ZNF727: variants seen among roughly 807,000 people sequenced by gnomAD.
ZNF727 encodes the protein putative zinc finger protein 727.
A neutral mutation model predicts 11.5 loss-of-function variants in ZNF727; 11 were observed. That is an observed-to-expected ratio of 0.95 (90% CI 0.60 to 1.58). The LOEUF (loss-of-function observed/expected upper bound fraction) is 1.58, where lower values mean the gene tolerates loss of function less well. Among genes scored for constraint, ZNF727 ranks in the 40% most tolerant of loss-of-function variants. ZNF727 has a pLI of 0.00. For missense variants in ZNF727, 533 were observed against 581.7 expected (o/e 0.92, Z 0.86); for synonymous variants, 171 against 196.1 (o/e 0.87, Z 1.07).
chr7:64,048,593 T>C (rs1291032281), intron 1 of ZNF727, among the ~76,000 whole-genome samples: 2 of 152,294 alleles, frequency 1.3e-5, no homozygotes, highest in South Asian at 4.1e-4. Flanking sequence ...GTGTACACAA[T>C]AAAAAAGTAT....
chr7:64,052,376 C>T (rs1562790197), intron 1 of ZNF727, among the ~76,000 whole-genome samples: 1 of 69,908 alleles, frequency 1.4e-5, no homozygotes, highest in South Asian at 4.4e-4. Context: ...CAATTTCTCT[C>T]TCTTTTTTTT....
rs191635901 is a variant in ZNF727, at chr7:64,064,248, C to T, written c.4-4643C>T. Among the ~76,000 whole-genome samples, 8 of 152,244 alleles carry T rather than the reference C, an allele frequency of 5.3e-5. No individual in the cohort carries two copies. In the East Asian group the frequency reaches 1.5e-3, roughly 29 times the overall value. On this transcript the variant is annotated intron_variant, in intron 1 of 3. Transcript: ENST00000456806. Reference sequence around the variant, plus strand: ...GGATTGCACTGCACTAGGCCTCAACCCCCAAGGGCTGCAAGAAGTACTACT... The same window carrying T: ...GGATTGCACTGCACTAGGCCTCAACTCCCAAGGGCTGCAAGAAGTACTACT...
intron 3 of ZNF727, among the ~76,000 whole-genome samples, chr7:64,070,352 A>T (rs767485862): frequency 1.4e-4 from 21 of 152,072 alleles, no homozygotes; most frequent in Non-Finnish European, 2.8e-4. Flanking sequence ...TTGAGTACAT[A>T]TTAAACTCCC....
Position 64,045,439 on chromosome 7 carries a change from C to T in ZNF727, c.-183C>T. On this transcript the variant is annotated 5_prime_UTR_variant, in exon 1 of 4. Coordinates refer to ENST00000456806, the MANE Select transcript of ZNF727 (RefSeq NM_001159522.3). ...GCAGCTAGAGAGGAAGAGGCGGGCTCTTCAATATGGCAAGGCCTTCGTCTC... is the reference window on the plus strand; with the variant it reads ...GCAGCTAGAGAGGAAGAGGCGGGCTTTTCAATATGGCAAGGCCTTCGTCTC... 1.2e-6 allele frequency: 1 copy of T among 839,692 alleles called. No individual in the cohort carries two copies. Among genetic ancestry groups the T allele is most frequent in the Admixed American group, 2.1e-5 (1 of 47,830 alleles). The allele number at this position is 839,692 out of a possible 1,614,324, so 52.0% of individuals were successfully genotyped here.
intron 3 of ZNF727, among the ~76,000 whole-genome samples, chr7:64,070,768 A>G (rs1194512249): frequency 1.3e-5 from 2 of 151,972 alleles, no homozygotes; most frequent in Non-Finnish European, 2.9e-5. Context: ...TTTGAACAAC[A>G]TATCCCACTT....
intron 1 of ZNF727, among the ~76,000 whole-genome samples, chr7:64,063,948 T>C (rs530902264): frequency 1.3e-5 from 2 of 152,204 alleles, no homozygotes; most frequent in East Asian, 3.9e-4. Flanking sequence ...CTACTGCTGA[T>C]ATCCAGTGAG....
chr7:64,076,089 T>C (rs1370934671), intron 3 of ZNF727, among the ~76,000 whole-genome samples: 3 of 152,176 alleles, frequency 2.0e-5, no homozygotes, highest in Non-Finnish European at 4.4e-5. Context: ...TAATTAATTG[T>C]GCTTTTAGTT....
chr7:64,074,026 G>A (rs545765383), intron 3 of ZNF727, among the ~76,000 whole-genome samples: 1 of 152,252 alleles, frequency 6.6e-6, no homozygotes, highest in South Asian at 2.1e-4. Context: ...GGAGTTGATT[G>A]TGCTTTACTT....
Position 64,068,986 on chromosome 7 carries a change from G to A in ZNF727, c.99G>A (p.Met33Ile). 1 of 1,605,840 alleles carries A rather than the reference G, an allele frequency of 6.2e-7. No homozygotes were observed. The highest frequency in any genetic ancestry group is 8.5e-7 in the Non-Finnish European group (1 of 1,175,630). ...SAQQRLYRDV[M>I]LENYGNLFSL... ...AGCAGCGTTTGTATAGGGATGTGAT[G>A]TTAGAGAACTACGGAAACCTGTTCT... Residue 33 changes from methionine (M) to isoleucine (I), a missense_variant, in exon 2 of 4, where the codon ATG becomes ATA. Around this residue, in one of 3 missense-constraint regions of ZNF727, gnomAD observed 463 missense variants for 494.5 expected, o/e 0.94. Transcript: ENST00000456806.
At chr7:64,052,825 T>C (rs1212879085) in intron 1 of ZNF727, among the ~76,000 whole-genome samples, 3 of 152,170 alleles carry the variant, frequency 2.0e-5, no homozygotes, top group Non-Finnish European at 2.9e-5. Flanking sequence ...AAGTCAAAGG[T>C]GATCATTTTG....
chr7:64,056,651 C>T (rs911916351), intron 1 of ZNF727, among the ~76,000 whole-genome samples: 20 of 152,170 alleles, frequency 1.3e-4, no homozygotes, highest in African/African-American at 4.8e-4. Flanking sequence ...AAGAATATGT[C>T]AATTATTGGA....
At chr7:64,048,287 G>A (rs1461771327) in intron 1 of ZNF727, among the ~76,000 whole-genome samples, 1 of 152,128 alleles carries the variant, frequency 6.6e-6, no homozygotes, top group Non-Finnish European at 1.5e-5. Flanking sequence ...TACCTTTTAT[G>A]TATTGCACAG....
At position 64,083,201 on chromosome 7, in the gene ZNF727, G is replaced by A. The variant is rs959432311; in HGVS notation, c.*4652G>A. ...CTGGCCATGTCTTTTTAGAGCGCCT[G>A]TACTGTGCTAGGAGATCCTTTCTGT... On this transcript the variant is annotated 3_prime_UTR_variant, in exon 4 of 4. Coordinates refer to ENST00000456806, the MANE Select transcript of ZNF727 (RefSeq NM_001159522.3). Among the ~76,000 whole-genome samples, 2 of 152,302 alleles carry A rather than the reference G, an allele frequency of 1.3e-5. No individual in the cohort carries two copies. The highest frequency in any genetic ancestry group is 1.9e-4 in the East Asian group (1 of 5,154).
intron 3 of ZNF727, among the ~76,000 whole-genome samples, chr7:64,071,081 A>T (rs1389052646): frequency 6.6e-6 from 1 of 152,042 alleles, no homozygotes; most frequent in Non-Finnish European, 1.5e-5. Context: ...TTCAATGAAC[A>T]TGGAGGTGCA....
chr7:64,066,686 AACC>A (rs1247267066), intron 1 of ZNF727, among the ~76,000 whole-genome samples: 1 of 152,208 alleles, frequency 6.6e-6, no homozygotes, highest in Non-Finnish European at 1.5e-5. Flanking sequence ...TAAAACCTAA[AACC>A]ATAAAAACCC....
In ZNF727 at chr7:64,077,672, C is replaced by G. The variant is rs1352940568; in HGVS notation, c.623C>G (p.Ala208Gly). 1.3e-6 allele frequency: 2 copies of G among 1,559,746 alleles called. No homozygotes were observed. The highest frequency in any genetic ancestry group is 1.9e-5 in the Admixed American group (1 of 51,726). Residue 208 changes from alanine (A) to glycine (G), a missense_variant, in exon 4 of 4, where the codon GCC (alanine) becomes GGC (glycine). Transcript: ENST00000456806. The stretch of plus-strand genomic sequence containing the variant: ...TACAAATGTGAAGAATGTGGCAAAG[C>G]CTGTAAAAAGTTCTCAAACCTTACT... ...RSYKCEECGKACKKFSNLTEH... is the reference protein window; with the variant it reads ...RSYKCEECGKGCKKFSNLTEH...
At chr7:64,047,923 G>T (rs1429774396) in intron 1 of ZNF727, among the ~76,000 whole-genome samples, 1 of 152,174 alleles carries the variant, frequency 6.6e-6, no homozygotes, top group Non-Finnish European at 1.5e-5. Context: ...TAGTGAGGGC[G>T]TGTATAAATT....
rs369627569 is a variant in ZNF727, at chr7:64,051,344, G to A, written c.3+5720G>A. 1.6e-3 allele frequency among the ~76,000 whole-genome samples: 243 copies of A among 152,186 alleles called. 2 individuals are homozygous for A. Among genetic ancestry groups the A allele is most frequent in the African/African-American group, 5.6e-3 (233 of 41,524 alleles). ...AAACTTCTCCTAAGCACAGCTTACC[G>A]CAAATGGGGTACAATCTATATTTTC... On this transcript the variant is annotated intron_variant, in intron 1 of 3. Coordinates refer to ENST00000456806, the MANE Select transcript of ZNF727 (RefSeq NM_001159522.3).
Position 64,062,685 on chromosome 7 carries a change from A to AATATATATATATATAT in ZNF727, c.4-6203_4-6188dup, listed in dbSNP as rs71057374. Among the ~76,000 whole-genome samples, 203 of 89,988 alleles carry AATATATATATATATAT rather than the reference A, an allele frequency of 2.3e-3. 10 individuals carry two copies. The South Asian group carries it at 0.024, about 11-fold the overall frequency. 59.0% of individuals were successfully genotyped at this position (89,988 alleles called of 152,430 possible). ...GCATTCTATAACCTTCTTGTACTTG[A>AATATATATATATATAT]ATATATATATATATATATGAAGTTC... is the stretch of plus-strand genomic sequence containing the variant. On this transcript the variant is annotated intron_variant, in intron 1 of 3. Coordinates refer to ENST00000456806, the MANE Select transcript of ZNF727 (RefSeq NM_001159522.3).
Sources: allele counts gnomAD v4.1 joint callset (sites outside exome capture counted in the v4.1 genomes callset), GRCh38; gene constraint gnomAD v4.1.1; regional missense constraint gnomAD v4.1.1; transcripts MANE v1.5; gene names NCBI Gene and HGNC (gene_info 2026-07-23, HGNC 2026-07-21).